SLCO3A1: variants seen among roughly 807,000 people sequenced by gnomAD.
The protein encoded by SLCO3A1 is PGE1 transporter.
A neutral mutation model predicts 63.1 loss-of-function variants in SLCO3A1; 27 were observed. The ratio of observed to expected loss-of-function variants is 0.43; its 90% CI spans 0.32 to 0.59. SLCO3A1 has a LOEUF of 0.59. Ranked by LOEUF, SLCO3A1 falls within the 20% of genes least tolerant of loss-of-function variation. The pLI is 0.09. For missense variants in SLCO3A1, 773 were observed against 945.8 expected, an observed-to-expected ratio of 0.82 and a Z score of 2.40; for synonymous variants, 473 against 409.9, an observed-to-expected ratio of 1.15 and a Z score of -1.86.
chr15:91,873,191 C>G (rs4537992), intron 1 of SLCO3A1, among the ~76,000 whole-genome samples: 125,941 of 152,230 alleles, frequency 0.83, 52,863 homozygotes, highest in East Asian at 0.99. Context: ...TATTCCACAG[C>G]GCTGAGTAAC....
chr15:92,118,171 T>C (rs1190054212), intron 4 of SLCO3A1, among the ~76,000 whole-genome samples: 2 of 152,228 alleles, frequency 1.3e-5, no homozygotes, highest in African/African-American at 2.4e-5. Flanking sequence ...TTTATTCTTA[T>C]TCATAGCCTT....
intron 2 of SLCO3A1, among the ~76,000 whole-genome samples, chr15:91,969,269 G>A (rs939631478): frequency 2.0e-5 from 3 of 151,668 alleles, no homozygotes; most frequent in African/African-American, 7.3e-5. Flanking sequence ...ACTAATTGTT[G>A]TTGTGGAGTA....
chr15:92,050,107 C>T (rs1029357543), intron 2 of SLCO3A1, among the ~76,000 whole-genome samples: 1 of 152,240 alleles, frequency 6.6e-6, no homozygotes, highest in Non-Finnish European at 1.5e-5. Flanking sequence ...AAGCTGCACA[C>T]TTAGGTGACT....
At chr15:92,151,132 T>G (rs2048300063) in intron 9 of SLCO3A1, 118 bp downstream of exon 9, 8 of 735,844 alleles carry the variant, frequency 1.1e-5, no homozygotes. Context: ...GCAGTTTAAT[T>G]ATTAGTAAAT....
intron 2 of SLCO3A1, among the ~76,000 whole-genome samples, chr15:91,923,294 C>A (rs1349095944): frequency 6.6e-6 from 1 of 152,208 alleles, no homozygotes; most frequent in Non-Finnish European, 1.5e-5. Context: ...CATGACTGAA[C>A]TGTTTAAACG....
intron 2 of SLCO3A1, among the ~76,000 whole-genome samples, chr15:91,963,054 G>T (rs1900509454): frequency 6.6e-6 from 1 of 152,056 alleles, no homozygotes; most frequent in African/African-American, 2.4e-5. Context: ...AATCTAAATG[G>T]GTCCGGGTGC....
At chr15:92,101,824 C>T (rs1351175154) in intron 3 of SLCO3A1, among the ~76,000 whole-genome samples, 1 of 152,282 alleles carries the variant, frequency 6.6e-6, no homozygotes, top group Admixed American at 6.5e-5. Flanking sequence ...GGGTGGCAGG[C>T]GGGCTTTGGT....
At chr15:91,908,118 G>T (rs146440918) in intron 1 of SLCO3A1, among the ~76,000 whole-genome samples, 1 of 152,094 alleles carries the variant, frequency 6.6e-6, no homozygotes, top group Non-Finnish European at 1.5e-5. Flanking sequence ...GAAGGGAAAG[G>T]AGAGTTGCAG....
At chr15:92,102,339 A>G (rs1334731244) in intron 3 of SLCO3A1, among the ~76,000 whole-genome samples, 1 of 152,136 alleles carries the variant, frequency 6.6e-6, no homozygotes, top group Non-Finnish European at 1.5e-5. Context: ...CTTTTTTAAA[A>G]AGATCCCTAT....
At chr15:92,018,292 CA>C (rs2046464086) in intron 2 of SLCO3A1, among the ~76,000 whole-genome samples, 1 of 152,174 alleles carries the variant, frequency 6.6e-6, no homozygotes, top group East Asian at 1.9e-4. Context: ...GGGCTGCTGT[CA>C]GCACCATCCT....
chr15:91,876,774 C>G (rs1897410983), intron 1 of SLCO3A1, among the ~76,000 whole-genome samples: 1 of 152,216 alleles, frequency 6.6e-6, no homozygotes, highest in Admixed American at 6.5e-5. Context: ...CACAGCACCT[C>G]ACAGGTGACC....
At chr15:92,002,870 AG>A (rs1248570615) in intron 2 of SLCO3A1, among the ~76,000 whole-genome samples, 1 of 152,220 alleles carries the variant, frequency 6.6e-6, no homozygotes, top group African/African-American at 2.4e-5. Context: ...GACTCAGTAT[AG>A]GATCATTTAG....
In SLCO3A1 at chr15:92,151,017, A is replaced by G. The variant is rs2048298626; in HGVS notation, c.1753+3A>G. The G allele has an allele frequency of 1.9e-6, 3 of 1,602,788 alleles. No individual in the cohort carries two copies. Among genetic ancestry groups the G allele is most frequent in the South Asian group, 1.1e-5 (1 of 90,500 alleles). ...TTTTCTCCTCCTTCGTTTGTTGGGTATGTATTATCTCTTTATTTCCTCAAT... is the reference window on the plus strand; with the variant it reads ...TTTTCTCCTCCTTCGTTTGTTGGGTGTGTATTATCTCTTTATTTCCTCAAT... On this transcript the variant is annotated splice_donor_region_variant and intron_variant, in intron 9 of 9. Transcript: ENST00000318445.
downstream of SLCO3A1, among the ~76,000 whole-genome samples, chr15:92,167,678 C>CA (rs1320047184): frequency 6.6e-6 from 1 of 152,186 alleles, no homozygotes; most frequent in Non-Finnish European, 1.5e-5. Context: ...GATTTTTGTT[C>CA]AAATGCCTCT....
chr15:91,956,758 C>T (rs949843416), intron 2 of SLCO3A1, among the ~76,000 whole-genome samples: 1 of 148,474 alleles, frequency 6.7e-6, no homozygotes, highest in Non-Finnish European at 1.5e-5. Flanking sequence ...GTTCCCTGGA[C>T]TTGCTGTGGC....
intron 2 of SLCO3A1, among the ~76,000 whole-genome samples, chr15:92,021,192 G>A (rs1394945660): frequency 2.0e-5 from 3 of 152,132 alleles, no homozygotes; most frequent in Non-Finnish European, 4.4e-5. Flanking sequence ...GACTTAGTAT[G>A]CCCTTGATAG....
At chr15:92,035,861 A>G (rs934216445) in intron 2 of SLCO3A1, among the ~76,000 whole-genome samples, 2 of 151,788 alleles carry the variant, frequency 1.3e-5, no homozygotes, top group Admixed American at 6.6e-5. Flanking sequence ...TAGGGAAAAG[A>G]CAGAAGTTTT....
intron 1 of SLCO3A1, among the ~76,000 whole-genome samples, chr15:91,881,327 G>C (rs1488707548): frequency 2.0e-5 from 3 of 150,912 alleles, no homozygotes; most frequent in Non-Finnish European, 4.4e-5. Flanking sequence ...TTTCTAACTG[G>C]TCATGTGACA....
At chr15:91,944,662 T>C (rs868147740) in intron 2 of SLCO3A1, among the ~76,000 whole-genome samples, 2 of 152,026 alleles carry the variant, frequency 1.3e-5, no homozygotes, top group Admixed American at 6.6e-5. Flanking sequence ...AGAGTAATCC[T>C]TCCCACTCTC....
Sources: allele counts gnomAD v4.1 joint callset (sites outside exome capture counted in the v4.1 genomes callset), GRCh38; gene constraint gnomAD v4.1.1; transcripts MANE v1.5; gene names NCBI Gene and HGNC (gene_info 2026-07-23, HGNC 2026-07-21).